Variants in EARS2 observed in about 807,000 individuals in gnomAD.
EARS2 encodes the protein glutamyl-tRNA synthetase 2, mitochondrial, also known as nondiscriminating glutamyl-tRNA synthetase EARS2, mitochondrial.
A neutral mutation model predicts 54.1 loss-of-function variants in EARS2; 50 were observed. The observed-to-expected ratio is 0.92, with a 90% CI of 0.74 to 1.17. The LOEUF (loss-of-function observed/expected upper bound fraction) is 1.17. EARS2 is among the 50% of genes most tolerant of loss of function. The pLI is 0.00. For synonymous variants in EARS2, 298 were observed against 281.0 expected (o/e 1.06, Z -0.61); for missense variants, 673 against 675.0 (o/e 1.00, Z 0.03).
At chr16:23,549,795 C>T (rs905228455) in intron 2 of EARS2, among the ~76,000 whole-genome samples, 1 of 152,132 alleles carries the variant, frequency 6.6e-6, no homozygotes. Flanking sequence ...TCATTCTGCT[C>T]ACTATGGTTA....
intron 1 of EARS2, among the ~76,000 whole-genome samples, chr16:23,556,124 A>G (rs1231694976): frequency 6.6e-6 from 1 of 152,222 alleles, no homozygotes; most frequent in Non-Finnish European, 1.5e-5. Context: ...CCTGTCATGT[A>G]TAGCTGGGAT....
rs1428155074 is a variant in EARS2 at position 23,528,144 on chromosome 16, G to A, written c.1352+1358C>T. Among the ~76,000 whole-genome samples, 3 of 152,292 alleles carry A rather than the reference G, an allele frequency of 2.0e-5. No homozygotes were observed. The East Asian group carries it at 5.8e-4, about 29-fold the overall frequency. On this transcript the variant is annotated intron_variant, in intron 7 of 8. Transcript: ENST00000449606. ...CTGAATCGGCGGCACCTTGACCCTG[G>A]AGTTCTAGCCTCTAGATCTGTGAGA...
Position 23,535,299 on chromosome 16 carries a change from G to T in EARS2, c.547C>A (p.Pro183Thr). ...EQVAQKLAKD[P>T]KPAIRFRLEQ... ...AGGCGGAAGCGGATCGCAGGCTTGG[G>T]GTCCTTGGCCAGCTTCTGGGCCACC... Residue 183 changes from proline (P) to threonine (T), a missense_variant, in exon 4 of 9, where the codon CCC becomes ACC. By Grantham distance (38) the Pro-to-Thr change is conservative. Around this residue, in one of 3 missense-constraint regions of EARS2, gnomAD observed 316 missense variants for 275.2 expected, o/e 1.15. Coordinates refer to ENST00000449606, the MANE Select transcript of EARS2 (RefSeq NM_001083614.2). The T allele has an allele frequency of 6.2e-7, 1 of 1,604,680 alleles. No homozygotes were observed. The highest frequency in any genetic ancestry group is 8.5e-7 in the Non-Finnish European group (1 of 1,179,964).
chr16:23,521,986 T>A lies in EARS2; in HGVS notation c.*2385A>T. On this transcript the variant is annotated 3_prime_UTR_variant, in exon 9 of 9. Transcript: ENST00000449606. ...TTCAGAACCTCGGTTTCCATATCTG[T>A]AACAGAAAAAAAAAATACTGCTTCT... is the stretch of plus-strand genomic sequence containing the variant. 1.1e-5 allele frequency: 4 copies of A among 350,844 alleles called. No individual in the cohort carries two copies. Among genetic ancestry groups the A allele is most frequent in the African/African-American group, 2.2e-5 (1 of 46,508 alleles). 21.7% of individuals were successfully genotyped at this position (350,844 alleles called of 1,614,324 possible).
intron 1 of EARS2, 123 bp from the exon 2 acceptor site, chr16:23,552,427 G>T: frequency 9.0e-7 from 1 of 1,106,566 alleles, no homozygotes; most frequent in Non-Finnish European, 1.3e-6. Flanking sequence ...GGACACATTG[G>T]CTCACGCCTG....
chr16:23,554,954 C>A (rs760696177), intron 1 of EARS2, among the ~76,000 whole-genome samples: 13 of 152,268 alleles, frequency 8.5e-5, no homozygotes, highest in Admixed American at 2.6e-4. Flanking sequence ...ATGATCTGTG[C>A]CTGATAATTC....
At chr16:23,526,109 CCTT>C (rs1192375186) in intron 7 of EARS2, among the ~76,000 whole-genome samples, 5 of 108,258 alleles carry the variant, frequency 4.6e-5, no homozygotes, top group African/African-American at 1.5e-4. Context: ...AGAAATATTA[CCTT>C]TTTTTTTTTT....
intron 3 of EARS2, chr16:23,536,941 A>G (rs1965430562): frequency 6.6e-6 from 1 of 152,604 alleles, no homozygotes; most frequent in Non-Finnish European, 1.5e-5. Flanking sequence ...TCGGCCTCCC[A>G]TAGTGCTGGG....
rs183787770 is a variant in EARS2 at position 23,541,678 on chromosome 16, A to G, written c.485+2836T>C. Among the ~76,000 whole-genome samples, 5 of 148,910 alleles carry G rather than the reference A, an allele frequency of 3.4e-5. No individual in the cohort carries two copies. In the East Asian group the frequency reaches 9.9e-4, roughly 29 times the overall value. On this transcript the variant is annotated intron_variant, in intron 3 of 8. Transcript: ENST00000449606. ...TCAAGATTGGAAGAGAGTTCTTTCA[A>G]TATATATCTTTGTGGATCTTCTTTT...
chr16:23,532,856 T>G (rs1030396631), intron 4 of EARS2, 91 bp from the exon 5 acceptor site: 7 of 897,806 alleles, frequency 7.8e-6, no homozygotes, highest in Non-Finnish European at 1.0e-5. Context: ...GATCTTGCTC[T>G]GCTGCCCAGG....
intron 8 of EARS2, among the ~76,000 whole-genome samples, chr16:23,524,845 A>G (rs934694613): frequency 6.6e-6 from 1 of 151,982 alleles, no homozygotes; most frequent in Non-Finnish European, 1.5e-5. Flanking sequence ...AGGTTTCACC[A>G]TGTTGCCCAG....
intron 5 of EARS2, 142 bp from the exon 6 acceptor site, chr16:23,530,039 T>A (rs921836612): frequency 4.9e-6 from 5 of 1,021,438 alleles, no homozygotes; most frequent in Non-Finnish European, 7.0e-6. Flanking sequence ...AAGAATCTCT[T>A]CACGTTTATA....
At position 23,521,936 on chromosome 16, in the gene EARS2, T is replaced by C. The variant is rs960216290; in HGVS notation, c.*2435A>G. Reference sequence around the variant, plus strand: ...TAAATCTTGGTTTTGCCTCGTACTATAACCTCGGAAGTTTTAGTTAACTTT... The same window carrying C: ...TAAATCTTGGTTTTGCCTCGTACTACAACCTCGGAAGTTTTAGTTAACTTT... On this transcript the variant is annotated 3_prime_UTR_variant, in exon 9 of 9. Coordinates refer to ENST00000449606, the MANE Select transcript of EARS2 (RefSeq NM_001083614.2). 7.3e-6 allele frequency: 3 copies of C among 408,270 alleles called. No homozygotes were observed. The highest frequency in any genetic ancestry group is 1.7e-5 in the South Asian group (1 of 59,008). The allele number at this position is 408,270 out of a possible 1,614,324, so 25.3% of individuals were successfully genotyped here. A position where few individuals can be genotyped will look rare whatever the true frequency, so the allele number is the denominator to read the frequency against.
intron 2 of EARS2, among the ~76,000 whole-genome samples, chr16:23,547,077 C>A (rs944988822): frequency 6.6e-6 from 1 of 152,200 alleles, no homozygotes; most frequent in Non-Finnish European, 1.5e-5. Flanking sequence ...TGTAAATGTT[C>A]ATAGAGTTTT....
At chr16:23,540,749 G>A (rs935783977) in intron 3 of EARS2, among the ~76,000 whole-genome samples, 47 of 152,040 alleles carry the variant, frequency 3.1e-4, no homozygotes, top group African/African-American at 1.0e-3. Flanking sequence ...TTGGGAGGCC[G>A]AGGCAGGTGG....
At chr16:23,546,208 G>A (rs1231095152) in intron 2 of EARS2, among the ~76,000 whole-genome samples, 1 of 152,190 alleles carries the variant, frequency 6.6e-6, no homozygotes, top group African/African-American at 2.4e-5. Context: ...GATTACATAG[G>A]ATAAATTTCA....
rs563341460 is a variant in EARS2 at position 23,521,403 on chromosome 16, ATT to A, written c.*2966_*2967del. Among the ~76,000 whole-genome samples, 4 of 144,010 alleles carry A rather than the reference ATT, an allele frequency of 2.8e-5. No homozygotes were observed. Among genetic ancestry groups the A allele is most frequent in the Non-Finnish European group, 1.5e-5 (1 of 65,382 alleles). The allele number at this position is 144,010 out of a possible 152,430, so 94.5% of individuals were successfully genotyped here. A position where few individuals can be genotyped will look rare whatever the true frequency, so the allele number is the denominator to read the frequency against. On this transcript the variant is annotated 3_prime_UTR_variant, in exon 9 of 9. Coordinates refer to ENST00000449606, the MANE Select transcript of EARS2 (RefSeq NM_001083614.2). Reference sequence around the variant, plus strand: ...CTATCCTTTTAACTTTATTTTATTCATTTTTTTTTTTTTAGACACAGGATCTT... The same window carrying A: ...CTATCCTTTTAACTTTATTTTATTCATTTTTTTTTTTAGACACAGGATCTT...
intron 2 of EARS2, 94 bp from the exon 3 acceptor site, chr16:23,544,797 C>T: frequency 1.7e-6 from 2 of 1,165,054 alleles, no homozygotes; most frequent in Non-Finnish European, 2.4e-6. Flanking sequence ...AAGCTTTAAT[C>T]CTCATAACAA....
rs958195429 is a variant in EARS2, at chr16:23,545,788, C to T, written c.296-1085G>A. ...AAGCCACCCTCCTGCCTCAACCTCC[C>T]GAGTAGCTAGAACTACAGGTGCACA... On this transcript the variant is annotated intron_variant, in intron 2 of 8. Coordinates refer to ENST00000449606, the MANE Select transcript of EARS2 (RefSeq NM_001083614.2). 5.3e-5 allele frequency among the ~76,000 whole-genome samples: 8 copies of T among 152,154 alleles called. No individual in the cohort carries two copies. The East Asian group carries it at 9.6e-4, about 18-fold the overall frequency.
Sources: allele counts gnomAD v4.1 joint callset (sites outside exome capture counted in the v4.1 genomes callset), GRCh38; gene constraint gnomAD v4.1.1; regional missense constraint gnomAD v4.1.1; transcripts MANE v1.5; gene names NCBI Gene and HGNC (gene_info 2026-07-23, HGNC 2026-07-21).